GPHN: variants seen among roughly 807,000 people sequenced by gnomAD.
The protein encoded by GPHN is gephyrin.
Under a neutral mutation model 95.5 loss-of-function variants are expected in GPHN, and 17 were observed. The ratio of observed to expected loss-of-function variants is 0.18; its 90% confidence interval spans 0.12 to 0.27. GPHN has a LOEUF of 0.27. Ranked by LOEUF, GPHN falls within the 10% of genes least tolerant of loss-of-function variation. The pLI is 1.00. For synonymous variants in GPHN, 320 were observed against 322.5 expected (o/e 0.99, Z 0.08); for missense variants, 660 against 978.1 (o/e 0.67, Z 4.34).
chr14:66,624,056 A>G (rs914746276), intron 1 of GPHN, among the ~76,000 whole-genome samples: 1 of 151,790 alleles, frequency 6.6e-6, no homozygotes, highest in Non-Finnish European at 1.5e-5. Flanking sequence ...GTCCTTTTCC[A>G]CTCCCAGTAC....
chr14:66,715,895 G>A (rs182472888), intron 2 of GPHN, among the ~76,000 whole-genome samples: 16 of 151,970 alleles, frequency 1.1e-4, no homozygotes, highest in Non-Finnish European at 2.2e-4. Flanking sequence ...GTTGTTTTGT[G>A]GCATATCATA....
chr14:67,349,212 A>G, the GPHN span: 982 of 1,068,438 alleles, frequency 9.2e-4, 5 homozygotes, highest in Admixed American at 3.5e-3. Flanking sequence ...AGATGTCACA[A>G]TTAAGTATGT....
the GPHN span, chr14:67,578,094 C>T: frequency 1.7e-5 from 27 of 1,613,634 alleles, no homozygotes; most frequent in African/African-American, 1.2e-4. This position sits in a 1 kb window ranked among gnomAD's most constrained non-coding sequence, Gnocchi z 5.0. Flanking sequence ...TGGCCCAGAC[C>T]GCACTGCAGG....
the GPHN span, among the ~76,000 whole-genome samples, chr14:67,549,796 C>T: frequency 6.6e-6 from 1 of 152,224 alleles, no homozygotes; most frequent in African/African-American, 2.4e-5. Context: ...TGGACCACCA[C>T]CTTCATCCAC....
At chr14:67,541,880 A>G in the GPHN span, 2 of 1,601,982 alleles carry the variant, frequency 1.2e-6, no homozygotes, top group African/African-American at 2.7e-5. Flanking sequence ...GGCAGAACTC[A>G]AGGTGGAGGC....
the GPHN span, among the ~76,000 whole-genome samples, chr14:67,217,722 TTTTAATCTTAAGAG>T: frequency 2.6e-5 from 4 of 152,176 alleles, no homozygotes; most frequent in South Asian, 2.1e-4. Flanking sequence ...CTGTAAAAGA[TTTTAATCTTAAGAG>T]TTTAATCTTA....
intron 8 of GPHN, among the ~76,000 whole-genome samples, chr14:66,942,554 G>C (rs183517239): frequency 1.3e-5 from 2 of 152,206 alleles, no homozygotes; most frequent in East Asian, 3.8e-4. Flanking sequence ...ACCATTGACA[G>C]AGAAGTTTGG....
At chr14:67,651,131 G>A in the GPHN span, 1 of 898,730 alleles carries the variant, frequency 1.1e-6, no homozygotes, top group African/African-American at 1.7e-5. Context: ...GTATTAATAT[G>A]CTACAGTACT....
chr14:67,072,096 A>G (rs527791169), intron 11 of GPHN, among the ~76,000 whole-genome samples: 102 of 152,180 alleles, frequency 6.7e-4, no homozygotes, highest in Non-Finnish European at 1.1e-3. Flanking sequence ...TTATCTTGCA[A>G]TTTTTAAATT....
chr14:67,552,892 G>C, the GPHN span, among the ~76,000 whole-genome samples: 32 of 152,278 alleles, frequency 2.1e-4, 1 homozygote, highest in Admixed American at 1.9e-3. Context: ...GCTCTGAAAA[G>C]TGCCTTGCCA....
At chr14:67,604,570 C>A in the GPHN span, among the ~76,000 whole-genome samples, 1 of 152,034 alleles carries the variant, frequency 6.6e-6, no homozygotes, top group African/African-American at 2.4e-5. Flanking sequence ...GGCATGGTGG[C>A]ACAGCTACTA....
chr14:66,991,234 T>G (rs891473683), intron 9 of GPHN, among the ~76,000 whole-genome samples: 16 of 152,152 alleles, frequency 1.1e-4, no homozygotes, highest in Non-Finnish European at 1.9e-4. Flanking sequence ...TTTTAGTAAT[T>G]TTAGTAATAA....
Position 67,039,808 on chromosome 14 carries a change from C to T in GPHN, c.1006+16133C>T, listed in dbSNP as rs992765202. Among the ~76,000 whole-genome samples the T allele has an allele frequency of 3.9e-5, 6 of 152,046 alleles. No individual in the cohort carries two copies. In the South Asian group the frequency reaches 1.2e-3, roughly 31 times the overall value. On this transcript the variant is annotated intron_variant, in intron 10 of 22. Coordinates refer to ENST00000478722, the MANE Select transcript of GPHN (RefSeq NM_020806.5). ...ACCCTGTCTCAAAACAAAACAAAAC[C>T]TCACTCACTGTGTTTAACAAAGTGC... is the stretch of plus-strand genomic sequence containing the variant.
At chr14:66,882,673 G>A (rs994767580) in intron 5 of GPHN, among the ~76,000 whole-genome samples, 3 of 151,490 alleles carry the variant, frequency 2.0e-5, no homozygotes, top group African/African-American at 4.8e-5. Flanking sequence ...AAACTGACTC[G>A]TAGTAACTCT....
chr14:66,935,649 T>C (rs1021274759), intron 8 of GPHN, among the ~76,000 whole-genome samples: 7 of 151,774 alleles, frequency 4.6e-5, no homozygotes, highest in Admixed American at 6.6e-5. Context: ...CATATATGTG[T>C]ATACGTGTGT....
At chr14:66,927,161 CG>C (rs1337928586) in intron 8 of GPHN, among the ~76,000 whole-genome samples, 2 of 151,966 alleles carry the variant, frequency 1.3e-5, no homozygotes, top group East Asian at 3.9e-4. Context: ...CCAGCCTAAC[CG>C]ACAAGGTGAA....
At chr14:66,801,171 T>C (rs963836295) in intron 3 of GPHN, among the ~76,000 whole-genome samples, 1 of 152,222 alleles carries the variant, frequency 6.6e-6, no homozygotes, top group African/African-American at 2.4e-5. Context: ...TGGCCACATA[T>C]CTCTGTTTTT....
intron 5 of GPHN, among the ~76,000 whole-genome samples, chr14:66,910,095 T>C (rs1316579752): frequency 1.3e-5 from 2 of 151,964 alleles, no homozygotes; most frequent in Non-Finnish European, 2.9e-5. Flanking sequence ...CAATAGGTTC[T>C]ATGCAGAATC....
At chr14:66,905,695 C>T (rs2065345029) in intron 5 of GPHN, among the ~76,000 whole-genome samples, 1 of 152,012 alleles carries the variant, frequency 6.6e-6, no homozygotes, top group Admixed American at 6.6e-5. Flanking sequence ...GCGTAGTATA[C>T]AAAAGGTTGT....
Sources: gnomAD v4.1 joint callset for allele counts (sites outside exome capture counted in the v4.1 genomes callset) on GRCh38, gnomAD v4.1.1 for gene constraint, Gnocchi (gnomAD v3.1) non-coding constraint, MANE v1.5 for transcripts, NCBI Gene and HGNC (gene_info 2026-07-23, HGNC 2026-07-21) for gene names.